PCDH11Y: variants seen among roughly 807,000 people sequenced by gnomAD.
PCDH11Y encodes the protein protocadherin 11 Y-linked.
For synonymous variants in PCDH11Y, 9 were observed against 83.6 expected (o/e 0.11, Z 4.87); for missense variants, 12 against 224.8 (o/e 0.05, Z 6.05).
At chrY:5,447,634 A>G (rs1602927139) in intron 2 of PCDH11Y, among the ~76,000 whole-genome samples, 1 of 32,937 alleles carries the variant, frequency 3.0e-5, no homozygotes, top group South Asian at 6.6e-4. Context: ...AATTTTCGCT[A>G]TTCAGAAATT....
At chrY:5,189,883 A>G (rs2052910297) in intron 2 of PCDH11Y, among the ~76,000 whole-genome samples, 2 of 32,297 alleles carry the variant, frequency 6.2e-5, no homozygotes, top group Admixed American at 2.9e-4. Context: ...AAAGCTGAAT[A>G]TGGAATAATA....
chrY:5,302,880 A>G, intron 2 of PCDH11Y, among the ~76,000 whole-genome samples: 2 of 32,420 alleles, frequency 6.2e-5, no homozygotes, highest in Non-Finnish European at 1.5e-4. Context: ...TTAAATCCCA[A>G]TAGTACAGAA....
chrY:5,061,610 G>A (rs2563772), intron 1 of PCDH11Y, among the ~76,000 whole-genome samples: 3 of 32,736 alleles, frequency 9.2e-5, no homozygotes, highest in Non-Finnish European at 1.5e-4. Context: ...ATGATGTTAC[G>A]GTTATTTTTA....
chrY:5,629,954 T>C (rs2053511082), intron 4 of PCDH11Y, among the ~76,000 whole-genome samples: 1 of 33,526 alleles, frequency 3.0e-5, no homozygotes, highest in Non-Finnish European at 7.4e-5. Context: ...TGTCTTATCC[T>C]AATTCATCTC....
At chrY:5,542,098 C>T (rs2124693056) in intron 3 of PCDH11Y, among the ~76,000 whole-genome samples, 2 of 32,155 alleles carry the variant, frequency 6.2e-5, no homozygotes, top group Non-Finnish European at 7.6e-5. Flanking sequence ...TGTCCTGTAC[C>T]AGATGTGATG....
intron 2 of PCDH11Y, among the ~76,000 whole-genome samples, chrY:5,311,111 T>A: frequency 3.1e-5 from 1 of 32,581 alleles, no homozygotes; most frequent in African/African-American, 1.2e-4. Context: ...GTAAAATGTA[T>A]AGCACAGGTT....
At chrY:5,174,507 A>G (rs2052890869) in intron 2 of PCDH11Y, among the ~76,000 whole-genome samples, 78 of 31,340 alleles carry the variant, frequency 2.5e-3, no homozygotes, top group Admixed American at 0.023. Context: ...AATCACTCCC[A>G]TGTATAGAGA....
At chrY:5,732,528 G>A in intron 4 of PCDH11Y, among the ~76,000 whole-genome samples, 1 of 31,642 alleles carries the variant, frequency 3.2e-5, no homozygotes, top group Non-Finnish European at 7.5e-5. Context: ...GTGATCTGAC[G>A]TTTTTCTCTA....
At chrY:5,389,284 G>A in intron 2 of PCDH11Y, among the ~76,000 whole-genome samples, 3 of 33,419 alleles carry the variant, frequency 9.0e-5, no homozygotes, top group African/African-American at 3.5e-4. Context: ...GTTGTATATT[G>A]TTTCACTAGA....
intron 2 of PCDH11Y, among the ~76,000 whole-genome samples, chrY:5,334,921 T>C: frequency 3.4e-5 from 1 of 29,270 alleles, no homozygotes. Context: ...GCCTCAATCA[T>C]TTTAGGAGAT....
chrY:5,640,202 CA>C (rs2053522147), intron 4 of PCDH11Y, among the ~76,000 whole-genome samples: 1 of 32,618 alleles, frequency 3.1e-5, no homozygotes, highest in African/African-American at 1.2e-4. Flanking sequence ...ACCACATCTG[CA>C]GTGATTTCCT....
At chrY:5,046,378 G>A (rs2052639105) in intron 3 of PCDH11Y, among the ~76,000 whole-genome samples, 1 of 33,346 alleles carries the variant, frequency 3.0e-5, no homozygotes, top group African/African-American at 1.2e-4. Flanking sequence ...GCAGTGTGAG[G>A]TGTCAGTGTG....
intron 2 of PCDH11Y, among the ~76,000 whole-genome samples, chrY:5,224,889 A>G (rs2563164): frequency 6.0e-5 from 2 of 33,200 alleles, no homozygotes; most frequent in Admixed American, 5.6e-4. Context: ...TACAGCATAC[A>G]ATGAAATAAA....
At chrY:5,416,351 T>A in intron 2 of PCDH11Y, among the ~76,000 whole-genome samples, 3 of 33,131 alleles carry the variant, frequency 9.1e-5, no homozygotes, top group Non-Finnish European at 2.2e-4. Context: ...TTCTTGGTTG[T>A]ATCTTTTCCA....
intron 2 of PCDH11Y, among the ~76,000 whole-genome samples, chrY:5,407,893 G>C (rs1602920912): frequency 6.2e-4 from 11 of 17,653 alleles, no homozygotes; most frequent in East Asian, 4.3e-3. Flanking sequence ...CAGCCTGGGC[G>C]ACAGAGCGAG....
At chrY:5,527,920 ACAAT>A (rs2053389401) in intron 3 of PCDH11Y, among the ~76,000 whole-genome samples, 2 of 33,497 alleles carry the variant, frequency 6.0e-5, no homozygotes. Context: ...GCTTTCCAAG[ACAAT>A]CAGTCATTCT....
At chrY:5,054,238 G>A (rs2124627553), upstream of PCDH11Y, among the ~76,000 whole-genome samples, 1 of 29,568 alleles carries the variant, frequency 3.4e-5, no homozygotes, top group South Asian at 8.0e-4. Context: ...CATTTTGGGC[G>A]GTTATCCCAG....
At chrY:5,633,634 C>T (rs1602954504) in intron 4 of PCDH11Y, among the ~76,000 whole-genome samples, 1 of 33,186 alleles carries the variant, frequency 3.0e-5, no homozygotes, top group Admixed American at 2.7e-4. Flanking sequence ...GGGTGGCTCA[C>T]GCCAGTAATC....
chrY:5,458,374 CT>C (rs2053300141), intron 2 of PCDH11Y, among the ~76,000 whole-genome samples: 1 of 31,011 alleles, frequency 3.2e-5, no homozygotes, highest in African/African-American at 1.3e-4. Flanking sequence ...CCACCTGGAC[CT>C]TTCCTCATGC....
Sources: allele counts gnomAD v4.1 joint callset (sites outside exome capture counted in the v4.1 genomes callset), GRCh38; gene constraint gnomAD v4.1.1; transcripts MANE v1.5; gene names NCBI Gene and HGNC (gene_info 2026-07-23, HGNC 2026-07-21).